Variants in PIK3R3 observed in about 807,000 individuals in gnomAD.
PIK3R3 encodes phosphatidylinositol 3-kinase regulatory subunit gamma.
In PIK3R3, 64 loss-of-function variants were observed where a neutral mutation model predicts 62.9. The observed-to-expected ratio is 1.02, with a 90% CI of 0.83 to 1.25. The LOEUF (loss-of-function observed/expected upper bound fraction) is 1.25. PIK3R3 is among the 50% of genes most tolerant of loss of function. The pLI, the probability that PIK3R3 is intolerant of heterozygous loss-of-function variation, is 0.00. For synonymous variants in PIK3R3, 165 were observed against 189.0 expected (o/e 0.87, Z 1.04); for missense variants, 614 against 561.6 (o/e 1.09, Z -0.94).
intron 1 of PIK3R3, among the ~76,000 whole-genome samples, chr1:46,081,494 C>G (rs1557590654): frequency 6.6e-6 from 1 of 152,136 alleles, no homozygotes; most frequent in Non-Finnish European, 1.5e-5. Flanking sequence ...CTACTGTGAA[C>G]TGCACATGTG....
chr1:46,132,206 G>A lies in PIK3R3; in HGVS notation c.-254C>T, dbSNP rs1018727178. On this transcript the variant is annotated 5_prime_UTR_variant, in exon 1 of 10. Coordinates refer to ENST00000262741, the MANE Select transcript of PIK3R3 (RefSeq NM_003629.4). The stretch of plus-strand genomic sequence containing the variant: ...TCAGAGGATTACACAGAGGCTTGGG[G>A]GACGGAGAGCAGAGGTGTTAAAAAG... 8.0e-6 allele frequency: 10 copies of A among 1,246,858 alleles called. No individual in the cohort carries two copies. The African/African-American group carries it at 1.4e-4, about 17-fold the overall frequency. The allele number at this position is 1,246,858 out of a possible 1,614,324, so 77.2% of individuals were successfully genotyped here.
upstream of PIK3R3, chr1:46,133,057 T>C: frequency 2.9e-6 from 3 of 1,017,038 alleles, no homozygotes; most frequent in Non-Finnish European, 3.5e-6. Context: ...GGAGCCTGCG[T>C]CTTTTGTCTG....
the PIK3R3 span, among the ~76,000 whole-genome samples, chr1:46,172,809 A>G: frequency 6.6e-6 from 1 of 152,102 alleles, no homozygotes; most frequent in Non-Finnish European, 1.5e-5. Context: ...CCTAGCCCAC[A>G]TGGCAAAACC....
chr1:46,168,842 C>T, the PIK3R3 span, among the ~76,000 whole-genome samples: 2 of 152,192 alleles, frequency 1.3e-5, no homozygotes, highest in Middle Eastern at 6.8e-3. Context: ...CCCCTTTACA[C>T]CCCCTCCTCA....
intron 1 of PIK3R3, among the ~76,000 whole-genome samples, chr1:46,126,865 T>C (rs1655138886): frequency 6.6e-6 from 1 of 152,112 alleles, no homozygotes; most frequent in South Asian, 2.1e-4. Context: ...CAAATATCAA[T>C]AGATATAATC....
intron 1 of PIK3R3, among the ~76,000 whole-genome samples, chr1:46,096,156 C>T (rs1344944944): frequency 1.3e-5 from 2 of 152,186 alleles, no homozygotes; most frequent in Non-Finnish European, 1.5e-5. Context: ...TATACACTTA[C>T]GTCATTCAAA....
At chr1:46,068,894 T>G (rs1262591439) in intron 3 of PIK3R3, among the ~76,000 whole-genome samples, 1 of 152,204 alleles carries the variant, frequency 6.6e-6, no homozygotes, top group Admixed American at 6.5e-5. Context: ...AATCATATAA[T>G]CTATCTTGTG....
At chr1:46,074,684 G>A (rs1300153426) in intron 3 of PIK3R3, among the ~76,000 whole-genome samples, 1 of 141,238 alleles carries the variant, frequency 7.1e-6, no homozygotes, top group Non-Finnish European at 1.5e-5. Context: ...GTGTAGGGGG[G>A]ATGCTGTTAC....
the PIK3R3 span, among the ~76,000 whole-genome samples, chr1:46,144,925 A>G: frequency 6.6e-6 from 1 of 151,858 alleles, no homozygotes; most frequent in Non-Finnish European, 1.5e-5. Flanking sequence ...GGAGTTTGAG[A>G]CCAACTTGAC....
intron 7 of PIK3R3, among the ~76,000 whole-genome samples, chr1:46,050,942 C>T (rs1258783439): frequency 1.3e-5 from 2 of 152,172 alleles, no homozygotes; most frequent in African/African-American, 4.8e-5. Context: ...AGAAGCCAGT[C>T]ACAAAAGAGT....
At chr1:46,139,621 C>T in the PIK3R3 span, among the ~76,000 whole-genome samples, 1 of 152,234 alleles carries the variant, frequency 6.6e-6, no homozygotes, top group Non-Finnish European at 1.5e-5. Context: ...CCATGTGCTT[C>T]TAAACGGACT....
chr1:46,114,051 A>C (rs1653963863), intron 1 of PIK3R3, among the ~76,000 whole-genome samples: 1 of 152,200 alleles, frequency 6.6e-6, no homozygotes, highest in African/African-American at 2.4e-5. Context: ...GGGATTATGT[A>C]ATCTTCATAT....
the PIK3R3 span, among the ~76,000 whole-genome samples, chr1:46,160,892 G>A: frequency 2.7e-4 from 41 of 152,118 alleles, no homozygotes; most frequent in African/African-American, 9.7e-4. Context: ...AAAGGAAAAT[G>A]GGGAGACCGT....
At chr1:46,142,875 A>T in the PIK3R3 span, among the ~76,000 whole-genome samples, 1 of 152,188 alleles carries the variant, frequency 6.6e-6, no homozygotes, top group African/African-American at 2.4e-5. Context: ...AGTTTTAAGC[A>T]GAGGAGTGTT....
chr1:46,132,325 T>C lies in PIK3R3; in HGVS notation c.-373A>G. The C allele has an allele frequency of 9.0e-7, 1 of 1,115,520 alleles. No individual in the cohort carries two copies. The highest frequency in any genetic ancestry group is 1.1e-6 in the Non-Finnish European group (1 of 906,214). 69.1% of individuals were successfully genotyped at this position (1,115,520 alleles called of 1,614,324 possible). A position where few individuals can be genotyped will look rare whatever the true frequency, so the allele number is the denominator to read the frequency against. On this transcript the variant is annotated 5_prime_UTR_variant, in exon 1 of 10. Coordinates refer to ENST00000262741, the MANE Select transcript of PIK3R3 (RefSeq NM_003629.4). ...TTCCGCGGAAGCCACTTTTGTGTCC[T>C]TCGAAGGAGGGAGAATGAAGAGGAA...
At chr1:46,150,901 C>T in the PIK3R3 span, among the ~76,000 whole-genome samples, 1 of 147,890 alleles carries the variant, frequency 6.8e-6, no homozygotes, top group South Asian at 2.2e-4. Context: ...TTCCGCCTCC[C>T]GAGTTCAAGC....
At chr1:46,102,283 C>T (rs990569965) in intron 1 of PIK3R3, among the ~76,000 whole-genome samples, 1 of 152,052 alleles carries the variant, frequency 6.6e-6, no homozygotes, top group African/African-American at 2.4e-5. Context: ...CAGCGCCCGG[C>T]CTGAATTGTA....
At chr1:46,101,171 C>CAAAAAA (rs1171228788) in intron 1 of PIK3R3, among the ~76,000 whole-genome samples, 1 of 73,568 alleles carries the variant, frequency 1.4e-5, no homozygotes, top group African/African-American at 6.0e-5. Flanking sequence ...GACTCCGTCT[C>CAAAAAA]AAAAAAAAAA....
At chr1:46,074,308 AAAAAAAAAAC>A (rs767999697) in intron 3 of PIK3R3, among the ~76,000 whole-genome samples, 11 of 146,338 alleles carry the variant, frequency 7.5e-5, no homozygotes, top group East Asian at 6.1e-4. Flanking sequence ...AAAAAAAAAA[AAAAAAAAAAC>A]CAATAAATTC....
Sources: gnomAD v4.1 joint callset for allele counts (sites outside exome capture counted in the v4.1 genomes callset) on GRCh38, gnomAD v4.1.1 for gene constraint, MANE v1.5 for transcripts, NCBI Gene and HGNC (gene_info 2026-07-23, HGNC 2026-07-21) for gene names.